The following RANBP2 variants were observed in gnomAD, a reference collection of about 807,000 sequenced individuals.
RANBP2 encodes the protein RAN binding protein 2.
Under a neutral mutation model 303.6 loss-of-function variants are expected in RANBP2, and 57 were observed. The ratio of observed to expected loss-of-function variants is 0.19; its 90% CI spans 0.15 to 0.23. The LOEUF (loss-of-function observed/expected upper bound fraction) is 0.23, where lower values mean the gene tolerates loss of function less well. RANBP2 is among the 10% of genes least tolerant of loss of function. The probability of loss-of-function intolerance (pLI) is 1.00; values close to 1 mark genes in which losing one functional copy is unlikely to be tolerated. For missense variants in RANBP2, 3,138 were observed against 3,780.8 expected, an observed-to-expected ratio of 0.83 and a Z score of 4.46; for synonymous variants, 1,167 against 1,301.5, an observed-to-expected ratio of 0.90 and a Z score of 2.23.
chr2:109,302,540 G>A, the RANBP2 span, among the ~76,000 whole-genome samples: 1 of 152,228 alleles, frequency 6.6e-6, no homozygotes, highest in Non-Finnish European at 1.5e-5. Context: ...CTAGGAGCTT[G>A]GGGACCAGGC....
chr2:109,427,515 C>A, the RANBP2 span, among the ~76,000 whole-genome samples: 2,373 of 152,250 alleles, frequency 0.016, 61 homozygotes, highest in African/African-American at 0.055. Flanking sequence ...ACACCAGGAG[C>A]TCCAGGGTGA....
chr2:109,545,020 T>C, the RANBP2 span: 10 of 985,438 alleles, frequency 1.0e-5, no homozygotes, highest in Middle Eastern at 5.2e-4. Flanking sequence ...TATTTAAAAA[T>C]TGAAAGCCAC....
intron 1 of RANBP2, among the ~76,000 whole-genome samples, chr2:108,727,515 A>G (rs1694824121): frequency 6.6e-6 from 1 of 151,418 alleles, no homozygotes; most frequent in African/African-American, 2.4e-5. Context: ...TTGGACATTC[A>G]CTGGGGTCTT....
At chr2:109,078,094 A>ATATATATATATATATATAGCG in the RANBP2 span, among the ~76,000 whole-genome samples, 77 of 9,680 alleles carry the variant, frequency 8.0e-3, 3 homozygotes, top group African/African-American at 0.014. Flanking sequence ...ATATATATAT[A>ATATATATATATATATATAGCG]TATATATATA....
the RANBP2 span, among the ~76,000 whole-genome samples, chr2:108,991,315 G>A: frequency 6.6e-6 from 1 of 152,186 alleles, no homozygotes; most frequent in Non-Finnish European, 1.5e-5. Context: ...AAGCTCCAGA[G>A]CTTTGAAGAT....
chr2:108,780,410 G>A, intron 25 of RANBP2, among the ~76,000 whole-genome samples: 1 of 146,720 alleles, frequency 6.8e-6, no homozygotes, highest in Non-Finnish European at 1.5e-5. Context: ...TGTCGTCCAG[G>A]CTGGAGTGCA....
chr2:109,699,272 G>T, the RANBP2 span, among the ~76,000 whole-genome samples: 1 of 152,032 alleles, frequency 6.6e-6, no homozygotes, highest in East Asian at 1.9e-4. Flanking sequence ...ATTTTCTTTA[G>T]TACTCTGCTC....
chr2:109,629,203 A>AAATAAAT, the RANBP2 span, among the ~76,000 whole-genome samples: 1 of 118,416 alleles, frequency 8.4e-6, no homozygotes, highest in Non-Finnish European at 1.7e-5. Context: ...CTCCGTCTCA[A>AAATAAAT]AAATAAATAA....
the RANBP2 span, among the ~76,000 whole-genome samples, chr2:109,311,908 T>C: frequency 6.6e-6 from 1 of 152,172 alleles, no homozygotes; most frequent in Non-Finnish European, 1.5e-5. Context: ...TTTTCTTCCA[T>C]GCCCTGCCAG....
chr2:108,822,382 CAGAT>C, the RANBP2 span, among the ~76,000 whole-genome samples: 1 of 152,034 alleles, frequency 6.6e-6, no homozygotes, highest in Non-Finnish European at 1.5e-5. Context: ...CTTTCAGAAA[CAGAT>C]AGAATAACTA....
chr2:109,569,334 G>A, the RANBP2 span, among the ~76,000 whole-genome samples: 1 of 151,666 alleles, frequency 6.6e-6, no homozygotes, highest in African/African-American at 2.4e-5. Context: ...GGTAGGCTGC[G>A]GCAGAAGAAT....
the RANBP2 span, among the ~76,000 whole-genome samples, chr2:109,189,388 T>C: frequency 5.1e-4 from 77 of 152,038 alleles, no homozygotes; most frequent in African/African-American, 1.8e-3. Context: ...TTTTCTTTTT[T>C]TTGAGACGGA....
chr2:109,315,989 G>A, the RANBP2 span, among the ~76,000 whole-genome samples: 14 of 152,198 alleles, frequency 9.2e-5, no homozygotes, highest in Non-Finnish European at 1.6e-4. Flanking sequence ...CTGACTGTGT[G>A]AGATTATATG....
At chr2:109,492,415 C>T in the RANBP2 span, among the ~76,000 whole-genome samples, 2 of 152,082 alleles carry the variant, frequency 1.3e-5, no homozygotes, top group African/African-American at 4.8e-5. Flanking sequence ...CCAGTGAGAA[C>T]GGAAGTCGCA....
chr2:109,608,776 A>G, the RANBP2 span, among the ~76,000 whole-genome samples: 76 of 152,366 alleles, frequency 5.0e-4, 1 homozygote, highest in East Asian at 0.011. Context: ...AATCCTAAAA[A>G]AAAATTAAAT....
At chr2:109,732,627 C>T in the RANBP2 span, 2 of 465,398 alleles carry the variant, frequency 4.3e-6, no homozygotes, top group Non-Finnish European at 8.4e-6. Context: ...TAGGCACATG[C>T]CACTGCACCT....
chr2:108,976,972 G>A, the RANBP2 span, among the ~76,000 whole-genome samples: 1 of 152,170 alleles, frequency 6.6e-6, no homozygotes, highest in South Asian at 2.1e-4. Flanking sequence ...TGGGTGCACA[G>A]TGAGGACTGA....
chr2:109,478,612 CT>C, the RANBP2 span, among the ~76,000 whole-genome samples: 6 of 152,326 alleles, frequency 3.9e-5, no homozygotes, highest in African/African-American at 1.4e-4. Flanking sequence ...TTTCTGTCAA[CT>C]TTTCCTAAGA....
At chr2:109,681,346 G>A in the RANBP2 span, among the ~76,000 whole-genome samples, 1 of 152,214 alleles carries the variant, frequency 6.6e-6, no homozygotes, top group Non-Finnish European at 1.5e-5. Context: ...ACGCATGCCT[G>A]TACCTTGTGA....
Sources: gnomAD v4.1 joint callset for allele counts (sites outside exome capture counted in the v4.1 genomes callset) on GRCh38, gnomAD v4.1.1 for gene constraint, MANE v1.5 for transcripts, NCBI Gene and HGNC (gene_info 2026-07-23, HGNC 2026-07-21) for gene names.